The following YWHAZ variants were observed in gnomAD, a reference collection of about 807,000 sequenced individuals.
YWHAZ encodes the protein 14-3-3 protein zeta/delta.
For missense variants in YWHAZ, 79 were observed against 284.8 expected (o/e 0.28, Z 5.20); for synonymous variants, 87 against 103.6 (o/e 0.84, Z 0.97).
At position 100,917,647 on chromosome 8, in the gene YWHAZ, A is replaced by T. The variant is rs1812760102; in HGVS notation, c.*3046T>A. The T allele has an allele frequency of 2.0e-5, 3 of 152,158 alleles. 1 individual carries two copies. The highest frequency in any genetic ancestry group is 1.3e-4 in the Admixed American group (2 of 15,280). The allele number at this position is 152,158 out of a possible 1,614,324, so 9.4% of individuals were successfully genotyped here. On this transcript the variant is annotated 3_prime_UTR_variant, in exon 6 of 6. Transcript: ENST00000395958. ...GGCAGGAGAATCACTTCAGCCTGGG[A>T]GGAGAAGGTTGCAGTGAGCCGAGAT...
chr8:100,919,914 A>T lies in YWHAZ; in HGVS notation c.*779T>A, dbSNP rs1812903700. ...AAGCAAAAATCCTAAAAAAAAGTTA[A>T]ATACATGGGTTTTTGTTTTACTGCT... On this transcript the variant is annotated 3_prime_UTR_variant, in exon 6 of 6. Coordinates refer to ENST00000395958, the MANE Select transcript of YWHAZ (RefSeq NM_145690.3). 1 of 152,540 alleles carries T rather than the reference A, an allele frequency of 6.6e-6. No individual in the cohort carries two copies. The highest frequency in any genetic ancestry group is 6.5e-5 in the Admixed American group (1 of 15,272). The allele number at this position is 152,540 out of a possible 1,614,324, so 9.4% of individuals were successfully genotyped here.
intron 2 of YWHAZ, among the ~76,000 whole-genome samples, chr8:100,942,232 A>G (rs1809921421): frequency 6.6e-6 from 1 of 152,066 alleles, no homozygotes; most frequent in South Asian, 2.1e-4. Flanking sequence ...TTGGTGCCTG[A>G]ATGGCAATAG....
At chr8:100,951,693 G>A (rs1810800219) in intron 1 of YWHAZ, 4 of 985,378 alleles carry the variant, frequency 4.1e-6, no homozygotes, top group Non-Finnish European at 3.6e-6. Context: ...AGCGAGCACC[G>A]ATCGGCGCCG....
At chr8:100,936,502 A>G (rs1247386943) in intron 2 of YWHAZ, among the ~76,000 whole-genome samples, 1 of 152,156 alleles carries the variant, frequency 6.6e-6, no homozygotes, top group Non-Finnish European at 1.5e-5. Flanking sequence ...AAAACTGGCA[A>G]CCTAAATTTA....
At chr8:100,928,897 C>G (rs1376798971) in intron 2 of YWHAZ, among the ~76,000 whole-genome samples, 2 of 152,036 alleles carry the variant, frequency 1.3e-5, no homozygotes, top group African/African-American at 2.4e-5. Flanking sequence ...AGAGACAAGA[C>G]CAATTAAATT....
chr8:100,920,583 C>T lies in YWHAZ; in HGVS notation c.*110G>A. ...AATATAGAAATTCAAATAGAAGTAACATAAACCTGTCATAAATCGTAAACA... is the reference window on the plus strand; with the variant it reads ...AATATAGAAATTCAAATAGAAGTAATATAAACCTGTCATAAATCGTAAACA... On this transcript the variant is annotated 3_prime_UTR_variant, in exon 6 of 6. Transcript: ENST00000395958. 1 of 1,043,936 alleles carries T rather than the reference C, an allele frequency of 9.6e-7. No homozygotes were observed. Among genetic ancestry groups the T allele is most frequent in the East Asian group, 2.4e-5 (1 of 41,766 alleles). The allele number at this position is 1,043,936 out of a possible 1,614,324, so 64.7% of individuals were successfully genotyped here.
At chr8:100,930,426 G>C (rs758024225) in intron 2 of YWHAZ, among the ~76,000 whole-genome samples, 18 of 152,178 alleles carry the variant, frequency 1.2e-4, no homozygotes, top group African/African-American at 1.7e-4. Flanking sequence ...GGGCTAGGTT[G>C]ACTGAAGGTT....
chr8:100,934,509 T>C (rs1247440819), intron 2 of YWHAZ, among the ~76,000 whole-genome samples: 1 of 151,970 alleles, frequency 6.6e-6, no homozygotes, highest in Non-Finnish European at 1.5e-5. Context: ...GAGACCAGCC[T>C]GGCTAACATG....
At chr8:100,937,963 T>C (rs1382609410) in intron 2 of YWHAZ, among the ~76,000 whole-genome samples, 1 of 152,172 alleles carries the variant, frequency 6.6e-6, no homozygotes, top group Non-Finnish European at 1.5e-5. Context: ...AAATCCCATC[T>C]CTACTAAAAA....
chr8:100,934,049 T>C (rs1233607361), intron 2 of YWHAZ, among the ~76,000 whole-genome samples: 1 of 148,210 alleles, frequency 6.7e-6, no homozygotes, highest in Non-Finnish European at 1.5e-5. Context: ...TCCCAGCTAC[T>C]TGGCAGGCTT....
rs557560681 is a variant in YWHAZ at position 100,936,965 on chromosome 8, G to C, written c.294+11631C>G. 1.1e-4 allele frequency among the ~76,000 whole-genome samples: 17 copies of C among 152,268 alleles called. No homozygotes were observed. The South Asian group carries it at 1.4e-3, about 13-fold the overall frequency. ...TAAAGGAGAGTAAGGAGACATGTAAGCAAAATGCAAAGTGTAATTCTGGAT... is the reference window on the plus strand; with the variant it reads ...TAAAGGAGAGTAAGGAGACATGTAACCAAAATGCAAAGTGTAATTCTGGAT... On this transcript the variant is annotated intron_variant, in intron 2 of 5. Coordinates refer to ENST00000395958, the MANE Select transcript of YWHAZ (RefSeq NM_145690.3).
Position 100,951,959 on chromosome 8 carries a change from G to T in YWHAZ, c.-42C>A. 2 of 1,002,088 alleles carry T rather than the reference G, an allele frequency of 2.0e-6. No individual in the cohort carries two copies. The highest frequency in any genetic ancestry group is 1.7e-5 in the African/African-American group (1 of 57,466). 62.1% of individuals were successfully genotyped at this position (1,002,088 alleles called of 1,614,324 possible). On this transcript the variant is annotated 5_prime_UTR_variant, in exon 1 of 6. Coordinates refer to ENST00000395958, the MANE Select transcript of YWHAZ (RefSeq NM_145690.3). ...TCCGGAGTGGGTGGTGGCGGCGGAC[G>T]GACGGGCTCAGCAGTCTCTGGGCGG...
intron 2 of YWHAZ, among the ~76,000 whole-genome samples, chr8:100,940,062 C>CAA (rs33984830): frequency 0.29 from 28,595 of 98,858 alleles, 5,056 homozygotes; most frequent in Non-Finnish European, 0.33. Flanking sequence ...GACTCCGTCT[C>CAA]AAAAAAAAAA....
At chr8:100,951,715 C>G (rs953301798) in intron 1 of YWHAZ, 19 of 985,288 alleles carry the variant, frequency 1.9e-5, no homozygotes, top group Non-Finnish European at 2.3e-5. Context: ...GGCGTCGATG[C>G]GGAAGCAAGG....
Position 100,948,802 on chromosome 8 carries a change from T to C in YWHAZ, c.88A>G (p.Thr30Ala). 1 of 1,599,600 alleles carries C rather than the reference T, an allele frequency of 6.3e-7. No homozygotes were observed. Among genetic ancestry groups the C allele is most frequent in the Non-Finnish European group, 8.5e-7 (1 of 1,179,944 alleles). ...DDMAACMKSV[T>A]EQGAELSNEE... Reference sequence around the variant, plus strand: ...TTGGATAATTCAGCTCCTTGCTCAGTTACAGACTTCATGCAGGCTGCCATG... The same window carrying C: ...TTGGATAATTCAGCTCCTTGCTCAGCTACAGACTTCATGCAGGCTGCCATG... The change falls in exon 2 of 6, where the codon ACT (threonine) becomes GCT (alanine). Residue 30 changes from threonine (T) to alanine (A), a missense_variant. Thr to Ala is a moderately conservative substitution (Grantham distance 58). Transcript: ENST00000395958. This position sits in a 1 kb window ranked among gnomAD's most constrained non-coding sequence, Gnocchi z 4.2.
chr8:100,946,718 C>T (rs1457949806), intron 2 of YWHAZ, among the ~76,000 whole-genome samples: 6 of 152,062 alleles, frequency 3.9e-5, no homozygotes, highest in Non-Finnish European at 8.8e-5. Context: ...ATGTTACATT[C>T]CTTTTTATTC....
intron 2 of YWHAZ, among the ~76,000 whole-genome samples, chr8:100,938,987 G>A (rs1321082324): frequency 3.9e-5 from 6 of 152,232 alleles, no homozygotes; most frequent in Admixed American, 1.3e-4. Context: ...TCTATAAGCA[G>A]GCTTGTGCCT....
intron 5 of YWHAZ, 123 bp downstream of exon 5, chr8:100,923,832 G>C: frequency 1.5e-6 from 1 of 656,586 alleles, no homozygotes; most frequent in Non-Finnish European, 2.5e-6. Context: ...ATATTTATGA[G>C]AGCCTATGAA....
intron 2 of YWHAZ, among the ~76,000 whole-genome samples, chr8:100,945,382 A>G (rs889480557): frequency 6.6e-6 from 1 of 152,206 alleles, no homozygotes; most frequent in Non-Finnish European, 1.5e-5. Context: ...TGCTTTTTGT[A>G]GGAAGAAAGT....
Sources: allele counts gnomAD v4.1 joint callset (sites outside exome capture counted in the v4.1 genomes callset), GRCh38; gene constraint gnomAD v4.1.1; non-coding constraint Gnocchi (gnomAD v3.1); transcripts MANE v1.5; gene names NCBI Gene and HGNC (gene_info 2026-07-23, HGNC 2026-07-21).